The following TDRD5 variants were observed in gnomAD, a reference collection of about 807,000 sequenced individuals.
TDRD5 encodes tudor domain-containing protein 5.
Under a neutral mutation model 120.6 loss-of-function variants are expected in TDRD5, and 41 were observed. The ratio of observed to expected loss-of-function variants is 0.34; its 90% CI spans 0.26 to 0.44. The LOEUF is 0.44. TDRD5 is among the 20% of genes least tolerant of loss of function. The pLI is 1.00. For missense variants in TDRD5, 1,006 were observed against 1,221.2 expected, an observed-to-expected ratio of 0.82 and a Z score of 2.63; for synonymous variants, 430 against 433.7, an observed-to-expected ratio of 0.99 and a Z score of 0.11.
In TDRD5 at chr1:179,635,953, C is replaced by CG. The variant is rs1677745526; in HGVS notation, c.1520+68dup. ...TTAAATCAACAGTTCTCAAACATTT[C>CG]GGTTTCAGGACTCTTAAAAATTAAA... On this transcript the variant is annotated intron_variant, in intron 9 of 17. Transcript: ENST00000444136. 4.8e-6 allele frequency: 7 copies of CG among 1,458,032 alleles called. No individual in the cohort carries two copies. The African/African-American group carries it at 7.0e-5, about 15-fold the overall frequency. The allele number at this position is 1,458,032 out of a possible 1,614,324, so 90.3% of individuals were successfully genotyped here. A position where few individuals can be genotyped will look rare whatever the true frequency, so the allele number is the denominator to read the frequency against.
At chr1:179,602,265 G>A (rs566103228) in intron 4 of TDRD5, among the ~76,000 whole-genome samples, 2 of 152,314 alleles carry the variant, frequency 1.3e-5, no homozygotes, top group Non-Finnish European at 2.9e-5. Context: ...GAGTAAGGTA[G>A]TATCTCATTG....
intron 11 of TDRD5, among the ~76,000 whole-genome samples, chr1:179,641,688 A>G (rs1160747011): frequency 6.6e-6 from 1 of 152,200 alleles, no homozygotes; most frequent in Admixed American, 6.5e-5. Context: ...ATTACTTAAA[A>G]TAGTAATCGT....
intron 17 of TDRD5, among the ~76,000 whole-genome samples, chr1:179,673,717 C>T (rs1193430101): frequency 6.6e-6 from 1 of 152,072 alleles, no homozygotes; most frequent in Non-Finnish European, 1.5e-5. Flanking sequence ...GCATCTATCT[C>T]AGTGGGCAGA....
In TDRD5 at chr1:179,654,310, A is replaced by G. The variant is rs1460220052; in HGVS notation, c.2270A>G (p.Glu757Gly). ...AAAACCTGTAATAAGAGCTTTGAAG[A>G]AGATCCAAAGTGGTCCAACCCAGAA... ...SLKTCNKSFEEDPKWSNPEPN... is the reference protein window; with the variant it reads ...SLKTCNKSFEGDPKWSNPEPN... The change falls in exon 14 of 18, where the codon GAA becomes GGA. Residue 757 changes from glutamate (E) to glycine (G), a missense_variant. Physicochemically the swap from Glu to Gly is moderately conservative, Grantham distance 98 (BLOSUM62 -2). Around this residue, in one of 3 missense-constraint regions of TDRD5, gnomAD observed 403 missense variants for 448.1 expected, o/e 0.90. Transcript: ENST00000444136. 5 of 1,549,748 alleles carry G rather than the reference A, an allele frequency of 3.2e-6. No individual in the cohort carries two copies. In the South Asian group the frequency reaches 3.6e-5, roughly 11 times the overall value.
At chr1:179,688,721 T>A (rs1181935355) in intron 17 of TDRD5, among the ~76,000 whole-genome samples, 3 of 152,270 alleles carry the variant, frequency 2.0e-5, no homozygotes, top group African/African-American at 7.2e-5. Flanking sequence ...TAGTCCCATA[T>A]TTCTTGGAGG....
chr1:179,669,198 T>C lies in TDRD5; in HGVS notation c.2654T>C (p.Leu885Pro), dbSNP rs147845046. 32 of 1,611,902 alleles carry C rather than the reference T, an allele frequency of 2.0e-5. No homozygotes were observed. In the African/African-American group the frequency reaches 3.9e-4, roughly 20 times the overall value. ...CCCATTTTTCCCATTCTGCAGCAAC[T>C]AGACATAAATGGTTCTTCAGATTCT... ...NTGTNRTQKQ[L>P]DINGSSDSST... The change falls in exon 17 of 18, where the codon CTA becomes CCA. Residue 885 changes from leucine (L) to proline (P), a missense_variant. By Grantham distance (98) the Leu-to-Pro change is moderately conservative. Transcript: ENST00000444136.
At chr1:179,620,678 C>T (rs1572355476) in intron 5 of TDRD5, among the ~76,000 whole-genome samples, 1 of 151,850 alleles carries the variant, frequency 6.6e-6, no homozygotes, top group South Asian at 2.1e-4. Context: ...ATGTTTATTG[C>T]ATTTCTTTTC....
intron 4 of TDRD5, among the ~76,000 whole-genome samples, chr1:179,597,332 C>CTTTTTTTTTTTTTTTTTTTTTTT (rs945509784): frequency 8.0e-6 from 1 of 125,572 alleles, no homozygotes; most frequent in African/African-American, 2.9e-5. Flanking sequence ...TTCTTTTTTT[C>CTTTTTTTTTTTTTTTTTTTTTTT]TTTTTTTTTT....
chr1:179,618,707 A>C, intron 5 of TDRD5, 25 bp downstream of exon 5: 1 of 1,484,716 alleles, frequency 6.7e-7, no homozygotes, highest in Non-Finnish European at 9.1e-7. Flanking sequence ...TTTCTGGGAG[A>C]CAATAATAAT....
Position 179,618,661 on chromosome 1 carries a change from A to G in TDRD5, c.894A>G (p.Glu298=), listed in dbSNP as rs1315500576. ...GACCTGGAGGAACTATCAGTTCAGA[A>G]CTAAAACATAAGATAAAATTTGTAA... ...QIGPGGTISS[E]LKHKIKFVVS... is the part of the protein sequence containing the mutation. Residue 298 remains glutamate, a synonymous_variant, in exon 5 of 18, where the codon GAA becomes GAG. Transcript: ENST00000444136. 2.5e-6 allele frequency: 4 copies of G among 1,591,348 alleles called. No homozygotes were observed. The highest frequency in any genetic ancestry group is 8.5e-7 in the Non-Finnish European group (1 of 1,171,412).
chr1:179,635,482 T>C (rs1374610525), intron 8 of TDRD5, among the ~76,000 whole-genome samples, 185 bp from the exon 9 acceptor site: 2 of 152,194 alleles, frequency 1.3e-5, no homozygotes, highest in Admixed American at 1.3e-4. Flanking sequence ...TTTAAATGCA[T>C]AATTGTGGGC....
chr1:179,595,876 AAC>A, intron 4 of TDRD5, 58 bp downstream of exon 4: 1 of 1,487,970 alleles, frequency 6.7e-7, no homozygotes, highest in Non-Finnish European at 9.0e-7. Context: ...CAGTGGTGTT[AAC>A]ACTTTGATCT....
intron 6 of TDRD5, 110 bp downstream of exon 6, chr1:179,621,201 G>A (rs868099049): frequency 2.3e-6 from 2 of 870,598 alleles, no homozygotes; most frequent in South Asian, 4.9e-5. Context: ...CTCTAAAACG[G>A]AAACATTTTG....
At chr1:179,630,129 C>G (rs1437646048) in intron 6 of TDRD5, among the ~76,000 whole-genome samples, 1 of 152,066 alleles carries the variant, frequency 6.6e-6, no homozygotes, top group Admixed American at 6.5e-5. Flanking sequence ...TCACGAGTAG[C>G]TGGGACTACA....
At chr1:179,649,873 G>T (rs990134640) in intron 11 of TDRD5, among the ~76,000 whole-genome samples, 3 of 152,130 alleles carry the variant, frequency 2.0e-5, no homozygotes, top group Non-Finnish European at 4.4e-5. Context: ...ATGTGCTTCT[G>T]CCAGATATCT....
intron 17 of TDRD5, among the ~76,000 whole-genome samples, chr1:179,690,101 G>A (rs904991229): frequency 1.2e-4 from 18 of 152,202 alleles, no homozygotes; most frequent in African/African-American, 4.3e-4. Context: ...GATGAACCCA[G>A]CACCTCAGTT....
intron 4 of TDRD5, among the ~76,000 whole-genome samples, chr1:179,612,244 G>A (rs1676319793): frequency 6.6e-6 from 1 of 152,170 alleles, no homozygotes. Flanking sequence ...GGATCAGAAT[G>A]TCTTCACTTT....
intron 17 of TDRD5, among the ~76,000 whole-genome samples, chr1:179,683,914 C>G (rs1052150348): frequency 6.6e-6 from 1 of 152,066 alleles, no homozygotes; most frequent in African/African-American, 2.4e-5. Flanking sequence ...GTTTATAGAC[C>G]AGCTACGAGT....
intron 2 of TDRD5, 84 bp from the exon 3 acceptor site, chr1:179,593,375 TA>T (rs1457409748): frequency 1.4e-6 from 2 of 1,426,828 alleles, no homozygotes; most frequent in Admixed American, 2.3e-5. Context: ...CTTGGAGAGT[TA>T]AAAACTGTAT....
Sources: allele counts gnomAD v4.1 joint callset (sites outside exome capture counted in the v4.1 genomes callset), GRCh38; gene constraint gnomAD v4.1.1; regional missense constraint gnomAD v4.1.1; transcripts MANE v1.5; gene names NCBI Gene and HGNC (gene_info 2026-07-23, HGNC 2026-07-21).